Variants in EHBP1 observed in about 807,000 individuals in gnomAD.
EHBP1 encodes EH domain binding protein 1.
Under a neutral mutation model 144.0 loss-of-function variants are expected in EHBP1, and 55 were observed. The ratio of observed to expected loss-of-function variants is 0.38; its 90% CI spans 0.31 to 0.48. The LOEUF is 0.48. Ranked by LOEUF, EHBP1 falls within the 20% of genes least tolerant of loss-of-function variation. The pLI is 0.98. For synonymous variants in EHBP1, 469 were observed against 472.7 expected, an observed-to-expected ratio of 0.99 and a Z score of 0.10; for missense variants, 1,200 against 1,364.2, an observed-to-expected ratio of 0.88 and a Z score of 1.90.
At chr2:62,778,788 A>G (rs1294970548) in intron 5 of EHBP1, among the ~76,000 whole-genome samples, 3 of 152,192 alleles carry the variant, frequency 2.0e-5, no homozygotes, top group Non-Finnish European at 4.4e-5. Context: ...TGATCTCGCA[A>G]AATAACAATT....
At chr2:62,906,314 C>T (rs1322204341) in intron 10 of EHBP1, among the ~76,000 whole-genome samples, 2 of 152,218 alleles carry the variant, frequency 1.3e-5, no homozygotes, top group African/African-American at 4.8e-5. Flanking sequence ...ATCTGTTTGT[C>T]TATCTTTACA....
chr2:62,907,851 A>G (rs1384537880), intron 10 of EHBP1, among the ~76,000 whole-genome samples: 2 of 152,134 alleles, frequency 1.3e-5, no homozygotes, highest in Non-Finnish European at 2.9e-5. Context: ...GTTATTTGCT[A>G]TTGCATTATT....
At chr2:63,029,290 C>G (rs1574538963) in intron 19 of EHBP1, among the ~76,000 whole-genome samples, 1 of 151,916 alleles carries the variant, frequency 6.6e-6, no homozygotes, top group Non-Finnish European at 1.5e-5. Context: ...CTGATTCACC[C>G]ACATTTTTCA....
At chr2:62,867,462 G>GA (rs1322555066) in intron 9 of EHBP1, among the ~76,000 whole-genome samples, 3 of 151,906 alleles carry the variant, frequency 2.0e-5, no homozygotes, top group South Asian at 2.1e-4. Context: ...AATCAATATT[G>GA]AAAAAAATAC....
At chr2:62,906,822 G>C (rs1364778714) in intron 10 of EHBP1, among the ~76,000 whole-genome samples, 1 of 152,066 alleles carries the variant, frequency 6.6e-6, no homozygotes, top group African/African-American at 2.4e-5. Flanking sequence ...GTCATTTCAA[G>C]AATGTAATAT....
intron 10 of EHBP1, among the ~76,000 whole-genome samples, chr2:62,879,546 AACACACACACAC>A (rs70962798): frequency 5.1e-4 from 68 of 133,792 alleles, no homozygotes; most frequent in African/African-American, 1.3e-3. Flanking sequence ...TATTCACAAT[AACACACACACAC>A]ACACACACAC....
At chr2:62,745,134 A>G (rs921785470) in intron 2 of EHBP1, among the ~76,000 whole-genome samples, 1 of 152,094 alleles carries the variant, frequency 6.6e-6, no homozygotes, top group African/African-American at 2.4e-5. Context: ...ACCAATTGGG[A>G]GTTCCTGGAT....
At chr2:62,680,476 G>A (rs147607975) in intron 1 of EHBP1, among the ~76,000 whole-genome samples, 1 of 152,236 alleles carries the variant, frequency 6.6e-6, no homozygotes, top group East Asian at 1.9e-4. Flanking sequence ...TTGATAAATT[G>A]AACTTCTGAT....
At chr2:63,015,072 C>G (rs1487505335) in intron 19 of EHBP1, among the ~76,000 whole-genome samples, 2 of 152,186 alleles carry the variant, frequency 1.3e-5, no homozygotes, top group Non-Finnish European at 2.9e-5. Context: ...TATAATAACT[C>G]TTTCCGAATT....
intron 10 of EHBP1, among the ~76,000 whole-genome samples, chr2:62,901,229 C>T (rs2053385487): frequency 6.6e-6 from 1 of 152,138 alleles, no homozygotes; most frequent in African/African-American, 2.4e-5. Flanking sequence ...ATTATCTTCA[C>T]CTCATAAATC....
At chr2:62,926,514 C>A (rs2055523022) in intron 10 of EHBP1, among the ~76,000 whole-genome samples, 1 of 152,018 alleles carries the variant, frequency 6.6e-6, no homozygotes, top group Non-Finnish European at 1.5e-5. Flanking sequence ...CAAATATGGG[C>A]AAATGACCTG....
At chr2:62,707,799 G>A (rs1659978268) in intron 2 of EHBP1, among the ~76,000 whole-genome samples, 1 of 152,042 alleles carries the variant, frequency 6.6e-6, no homozygotes, top group Non-Finnish European at 1.5e-5. Flanking sequence ...TTAATGGAAT[G>A]CCATCCACAA....
chr2:62,890,956 G>T (rs1278368793), intron 10 of EHBP1, among the ~76,000 whole-genome samples: 1 of 152,072 alleles, frequency 6.6e-6, no homozygotes, highest in Non-Finnish European at 1.5e-5. Context: ...GAGGCAGGTA[G>T]ATCACAAGAT....
At chr2:62,835,710 C>T (rs1288102931) in intron 7 of EHBP1, among the ~76,000 whole-genome samples, 7 of 152,170 alleles carry the variant, frequency 4.6e-5, no homozygotes, top group Admixed American at 3.3e-4. Context: ...GTTCCCTTTC[C>T]GAGTCAAAGA....
intron 1 of EHBP1, among the ~76,000 whole-genome samples, chr2:62,696,164 C>CTT (rs1553366516): frequency 8.9e-5 from 12 of 135,534 alleles, no homozygotes; most frequent in Non-Finnish European, 1.3e-4. Flanking sequence ...CTCTCTCTCT[C>CTT]TCTTTCTTTC....
chr2:62,870,279 G>C (rs2050357246), intron 9 of EHBP1, among the ~76,000 whole-genome samples: 1 of 152,114 alleles, frequency 6.6e-6, no homozygotes, highest in Non-Finnish European at 1.5e-5. Flanking sequence ...AGGGGCATTG[G>C]TGATTCAGAA....
intron 18 of EHBP1, among the ~76,000 whole-genome samples, chr2:62,996,292 G>C (rs1217403077): frequency 6.6e-6 from 1 of 151,968 alleles, no homozygotes; most frequent in Non-Finnish European, 1.5e-5. Context: ...TGTTTGTTTT[G>C]ATAATCACAA....
At chr2:62,724,458 A>T in intron 2 of EHBP1, among the ~76,000 whole-genome samples, 1 of 152,164 alleles carries the variant, frequency 6.6e-6, no homozygotes, top group Admixed American at 6.5e-5. Flanking sequence ...CATATACTGA[A>T]TTCTATTTCT....
chr2:62,791,534 A>G (rs1374034024), intron 5 of EHBP1, among the ~76,000 whole-genome samples: 1 of 152,050 alleles, frequency 6.6e-6, no homozygotes, highest in Non-Finnish European at 1.5e-5. Flanking sequence ...TAATATAAGA[A>G]CATTTTAGTT....
Sources: allele counts gnomAD v4.1 joint callset (sites outside exome capture counted in the v4.1 genomes callset), GRCh38; gene constraint gnomAD v4.1.1; transcripts MANE v1.5; gene names NCBI Gene and HGNC (gene_info 2026-07-23, HGNC 2026-07-21).